Variants in CDH12 observed in about 807,000 individuals in gnomAD.
CDH12 encodes cadherin 12.
Under a neutral mutation model 74.1 loss-of-function variants are expected in CDH12, and 41 were observed. That is an observed-to-expected ratio of 0.55 (90% confidence interval 0.43 to 0.72). The LOEUF is 0.72. Ranked by LOEUF, CDH12 falls within the 30% of genes least tolerant of loss-of-function variation. The probability of loss-of-function intolerance (pLI) is 0.00; values close to 1 mark genes in which losing one functional copy is unlikely to be tolerated. For synonymous variants in CDH12, 399 were observed against 355.0 expected (o/e 1.12, Z -1.39); for missense variants, 945 against 977.2 (o/e 0.97, Z 0.44).
chr5:22,115,038 G>A (rs1481791974), intron 4 of CDH12, among the ~76,000 whole-genome samples: 1 of 152,090 alleles, frequency 6.6e-6, no homozygotes, highest in Non-Finnish European at 1.5e-5. Flanking sequence ...TTACATCTTG[G>A]TTTCAGTCAA....
intron 4 of CDH12, among the ~76,000 whole-genome samples, chr5:22,153,885 T>TAG: frequency 1.6e-5 from 1 of 62,698 alleles, no homozygotes; most frequent in South Asian, 6.2e-4. Context: ...TATATATATA[T>TAG]ATAAATATAT....
At chr5:22,653,785 C>G (rs948764826) in intron 1 of CDH12, among the ~76,000 whole-genome samples, 2 of 152,220 alleles carry the variant, frequency 1.3e-5, no homozygotes, top group African/African-American at 2.4e-5. Flanking sequence ...GTGGTCCACA[C>G]GTAGCTATGT....
chr5:22,658,299 A>G (rs1740161448), intron 1 of CDH12, among the ~76,000 whole-genome samples: 2 of 152,094 alleles, frequency 1.3e-5, no homozygotes, highest in South Asian at 4.1e-4. Flanking sequence ...TATATACACA[A>G]TTCTACACCT....
chr5:22,281,343 C>G (rs115448796), intron 3 of CDH12, among the ~76,000 whole-genome samples: 5,851 of 152,162 alleles, frequency 0.038, 392 homozygotes, highest in African/African-American at 0.13. Flanking sequence ...CTCACCACTC[C>G]TATTAAACAA....
intron 2 of CDH12, among the ~76,000 whole-genome samples, chr5:22,486,408 T>A (rs1393277915): frequency 4.0e-5 from 6 of 151,712 alleles, no homozygotes; most frequent in Non-Finnish European, 8.8e-5. Flanking sequence ...GGCTTTGAAT[T>A]ACAGATGAAG....
intron 6 of CDH12, among the ~76,000 whole-genome samples, chr5:21,865,089 T>C (rs374074920): frequency 3.9e-5 from 6 of 152,270 alleles, no homozygotes; most frequent in Non-Finnish European, 1.5e-5. Flanking sequence ...ACTGGTAGAA[T>C]TGTTTTCATA....
At chr5:22,475,543 T>C (rs1053168415) in intron 2 of CDH12, among the ~76,000 whole-genome samples, 2 of 152,012 alleles carry the variant, frequency 1.3e-5, no homozygotes, top group Non-Finnish European at 2.9e-5. Flanking sequence ...ACAATAAGAA[T>C]ATAGTTTCTA....
intron 5 of CDH12, among the ~76,000 whole-genome samples, chr5:22,000,237 C>T (rs538485884): frequency 6.6e-5 from 10 of 152,274 alleles, no homozygotes; most frequent in Non-Finnish European, 1.5e-4. Flanking sequence ...TCTGGGATTA[C>T]AGGTGTGAGC....
At position 22,545,926 on chromosome 5, in the gene CDH12, T is replaced by TTTGTTG. The variant is rs57476797; in HGVS notation, c.-522-40568_-522-40563dup. On this transcript the variant is annotated intron_variant, in intron 1 of 14. Transcript: ENST00000382254. ...TAATGTCACTTAAACTGTCTAGATT[T>TTTGTTG]TTGTTGTTGTTGTTGTTGTTGTTGT... Among the ~76,000 whole-genome samples the TTTGTTG allele has an allele frequency of 1.2e-3, 178 of 151,336 alleles. 1 individual carries two copies. Among genetic ancestry groups the TTTGTTG allele is most frequent in the Middle Eastern group, 3.4e-3 (1 of 292 alleles).
chr5:22,754,675 G>T (rs1265126052), intron 1 of CDH12, among the ~76,000 whole-genome samples: 1 of 152,060 alleles, frequency 6.6e-6, no homozygotes, highest in Non-Finnish European at 1.5e-5. Context: ...AACGAGATGG[G>T]AAAGTGACGG....
At chr5:22,809,728 A>T (rs1749035925) in intron 1 of CDH12, among the ~76,000 whole-genome samples, 1 of 152,074 alleles carries the variant, frequency 6.6e-6, no homozygotes, top group Non-Finnish European at 1.5e-5. Flanking sequence ...ATTGATTCTG[A>T]TACTGGAAAA....
chr5:21,772,580 G>T (rs1593988), intron 11 of CDH12, among the ~76,000 whole-genome samples: 4,795 of 152,176 alleles, frequency 0.032, 218 homozygotes, highest in African/African-American at 0.11. Context: ...GGCCCAAATA[G>T]AATCTTTGAT....
At chr5:22,384,246 C>T (rs533206739) in intron 3 of CDH12, among the ~76,000 whole-genome samples, 1 of 151,788 alleles carries the variant, frequency 6.6e-6, no homozygotes, top group East Asian at 1.9e-4. Flanking sequence ...AAATGTTGGC[C>T]GGGCGCGGTG....
At chr5:21,817,168 G>T (rs776674900) in intron 8 of CDH12, 36 bp from the exon 9 acceptor site, 10 of 1,399,312 alleles carry the variant, frequency 7.1e-6, no homozygotes, top group Non-Finnish European at 1.0e-5. Flanking sequence ...TGACAGTGGG[G>T]TTAGTAAGAG....
chr5:22,098,982 A>C (rs559386128), intron 4 of CDH12, among the ~76,000 whole-genome samples: 33 of 152,208 alleles, frequency 2.2e-4, no homozygotes, highest in Middle Eastern at 3.4e-3. Context: ...CTGCTATTCT[A>C]CTACTCCTCA....
chr5:22,097,223 A>T (rs965657082), intron 4 of CDH12, among the ~76,000 whole-genome samples: 1 of 151,808 alleles, frequency 6.6e-6, no homozygotes, highest in South Asian at 2.1e-4. Context: ...AGACTGTTCA[A>T]CTCACCTGGC....
intron 6 of CDH12, among the ~76,000 whole-genome samples, chr5:21,907,988 T>C (rs1753713794): frequency 6.6e-6 from 1 of 152,218 alleles, no homozygotes; most frequent in African/African-American, 2.4e-5. Context: ...ATGTGAAAGC[T>C]GTAACTATTA....
chr5:22,460,245 G>C (rs917989955), intron 2 of CDH12, among the ~76,000 whole-genome samples: 4 of 151,878 alleles, frequency 2.6e-5, no homozygotes, highest in African/African-American at 9.7e-5. Flanking sequence ...TAAACAATAT[G>C]ATTTTACTAT....
intron 1 of CDH12, among the ~76,000 whole-genome samples, chr5:22,823,765 G>C (rs1407940025): frequency 2.0e-5 from 3 of 152,030 alleles, no homozygotes; most frequent in Non-Finnish European, 4.4e-5. Context: ...ATAAATGGCA[G>C]TTTCCCCAGG....
Sources: allele counts gnomAD v4.1 joint callset (sites outside exome capture counted in the v4.1 genomes callset), GRCh38; gene constraint gnomAD v4.1.1; transcripts MANE v1.5; gene names NCBI Gene and HGNC (gene_info 2026-07-23, HGNC 2026-07-21).